KIF13B: variants seen among roughly 807,000 people sequenced by gnomAD.
KIF13B encodes kinesin-like protein KIF13B.
In KIF13B, 127 loss-of-function variants were observed where a neutral mutation model predicts 222.0. The ratio of observed to expected loss-of-function variants is 0.57; its 90% CI spans 0.50 to 0.66. KIF13B has a LOEUF of 0.66. Ranked by LOEUF, KIF13B falls within the 30% of genes least tolerant of loss-of-function variation. The pLI, the probability that KIF13B is intolerant of heterozygous loss-of-function variation, is 0.00. For missense variants in KIF13B, 2,173 were observed against 2,379.0 expected (o/e 0.91, Z 1.80); for synonymous variants, 976 against 919.0 (o/e 1.06, Z -1.12).
intron 37 of KIF13B, among the ~76,000 whole-genome samples, chr8:29,075,876 G>A (rs1434523403): frequency 6.6e-6 from 1 of 152,206 alleles, no homozygotes; most frequent in Non-Finnish European, 1.5e-5. Flanking sequence ...GGTCCCCACT[G>A]AGTCCTGAGC....
In KIF13B at chr8:29,177,461, C is replaced by T; in HGVS notation, c.833+5G>A. 6.4e-7 allele frequency: 1 copy of T among 1,568,038 alleles called. No individual in the cohort carries two copies. The highest frequency in any genetic ancestry group is 8.8e-7 in the Non-Finnish European group (1 of 1,137,856). On this transcript the variant is annotated splice_donor_5th_base_variant and intron_variant, in intron 9 of 39. Transcript: ENST00000524189. ...GCAATAAAAATAAGCTTTGAGAGCA[C>T]TTACTTGTTAATGTTGCTCCCTTCC... is the stretch of plus-strand genomic sequence containing the variant.
intron 10 of KIF13B, among the ~76,000 whole-genome samples, chr8:29,169,179 G>C (rs1241856556): frequency 6.6e-6 from 1 of 152,198 alleles, no homozygotes; most frequent in Non-Finnish European, 1.5e-5. Flanking sequence ...GATTTCCCCA[G>C]TCTTTGTGCA....
At chr8:29,144,289 C>A (rs907001812) in intron 18 of KIF13B, among the ~76,000 whole-genome samples, 3 of 152,022 alleles carry the variant, frequency 2.0e-5, no homozygotes, top group African/African-American at 7.2e-5. Context: ...GAGACAGAGT[C>A]TCTTTCTGTC....
intron 2 of KIF13B, among the ~76,000 whole-genome samples, chr8:29,211,200 T>A (rs148481012): frequency 3.7e-4 from 57 of 152,352 alleles, no homozygotes; most frequent in African/African-American, 1.3e-3. Flanking sequence ...GGGCACTTGT[T>A]TCCATGCATT....
intron 13 of KIF13B, among the ~76,000 whole-genome samples, chr8:29,156,104 G>A (rs896441749): frequency 3.3e-5 from 5 of 152,060 alleles, no homozygotes; most frequent in African/African-American, 1.2e-4. Context: ...GAGTAGCTGG[G>A]ATTACAGGCA....
intron 12 of KIF13B, among the ~76,000 whole-genome samples, chr8:29,161,297 G>C (rs1016617387): frequency 1.3e-5 from 2 of 152,162 alleles, no homozygotes; most frequent in Admixed American, 6.5e-5. Flanking sequence ...AACTCCCTCA[G>C]TAAGGATCAC....
Position 29,070,136 on chromosome 8 carries a change from C to CA in KIF13B, c.*367dup, listed in dbSNP as rs1807186590. The CA allele has an allele frequency of 3.5e-6, 1 of 289,840 alleles. No individual in the cohort carries two copies. The highest frequency in any genetic ancestry group is 2.3e-5 in the African/African-American group (1 of 43,408). The allele number at this position is 289,840 out of a possible 1,614,324, so 18.0% of individuals were successfully genotyped here. Reference sequence around the variant, plus strand: ...GTTACAATTATGGTTTAGGTTAAGACATTAGTGGGGCCACCAGAATGGAAA... The same window carrying CA: ...GTTACAATTATGGTTTAGGTTAAGACAATTAGTGGGGCCACCAGAATGGAAA... On this transcript the variant is annotated 3_prime_UTR_variant, in exon 40 of 40. Transcript: ENST00000524189. The surrounding 1 kb of genome is among the most constrained non-coding windows in gnomAD (Gnocchi z 4.1).
chr8:29,119,482 G>A (rs902331106), intron 29 of KIF13B, among the ~76,000 whole-genome samples: 3 of 152,168 alleles, frequency 2.0e-5, no homozygotes, highest in Non-Finnish European at 4.4e-5. Context: ...CCCTTCACCT[G>A]GAGCTCGTGG....
chr8:29,129,069 C>A (rs763825474), intron 24 of KIF13B, among the ~76,000 whole-genome samples: 1 of 152,034 alleles, frequency 6.6e-6, no homozygotes. Context: ...GTGAAAATTG[C>A]GGTTTTTGCC....
chr8:29,122,736 G>C, intron 28 of KIF13B, 90 bp from the exon 29 acceptor site: 1 of 1,010,682 alleles, frequency 9.9e-7, no homozygotes, highest in Non-Finnish European at 1.5e-6. Flanking sequence ...ATTCAGGGCT[G>C]TTACAGGGCA....
chr8:29,232,876 G>T (rs1373159944), intron 2 of KIF13B, among the ~76,000 whole-genome samples: 1 of 152,142 alleles, frequency 6.6e-6, no homozygotes, highest in Non-Finnish European at 1.5e-5. Flanking sequence ...AAAGCTTTCA[G>T]CTGGGGGTGG....
intron 18 of KIF13B, among the ~76,000 whole-genome samples, chr8:29,143,274 G>A (rs1416921394): frequency 6.6e-6 from 1 of 152,240 alleles, no homozygotes; most frequent in Admixed American, 6.5e-5. Flanking sequence ...AATGGGGAGA[G>A]AGGGAAAGTT....
chr8:29,111,347 C>G (rs1266529192), intron 32 of KIF13B, among the ~76,000 whole-genome samples: 1 of 152,258 alleles, frequency 6.6e-6, no homozygotes, highest in Admixed American at 6.5e-5. Flanking sequence ...TGGGCCACTT[C>G]TTTTGGCCAT....
At position 29,176,810 on chromosome 8, in the gene KIF13B, T is replaced by C. The variant is rs186774578; in HGVS notation, c.834-631A>G. Among the ~76,000 whole-genome samples, 11 of 151,808 alleles carry C rather than the reference T, an allele frequency of 7.2e-5. No individual in the cohort carries two copies. In the East Asian group the frequency reaches 2.2e-3, roughly 30 times the overall value. On this transcript the variant is annotated intron_variant, in intron 9 of 39. Coordinates refer to ENST00000524189, the MANE Select transcript of KIF13B (RefSeq NM_015254.4). Reference sequence around the variant, plus strand: ...AACCCTGACCTGACTGAGGCTGTGCTCTTCAGCCCCATCAAGCACCTCAAC... The same window carrying C: ...AACCCTGACCTGACTGAGGCTGTGCCCTTCAGCCCCATCAAGCACCTCAAC...
chr8:29,142,403 C>G, intron 18 of KIF13B, 100 bp from the exon 19 acceptor site: 1 of 1,003,006 alleles, frequency 1.0e-6, no homozygotes, highest in Non-Finnish European at 1.5e-6. Context: ...TACACCAAAA[C>G]TCAAATGGCA....
Position 29,121,240 on chromosome 8 carries a change from A to G in KIF13B, c.3535+1351T>C, listed in dbSNP as rs1403510979. Among the ~76,000 whole-genome samples the G allele has an allele frequency of 2.1e-3, 159 of 75,868 alleles. 2 individuals are homozygous for G. Among genetic ancestry groups the G allele is most frequent in the African/African-American group, 8.0e-3 (146 of 18,288 alleles). The allele number at this position is 75,868 out of a possible 152,430, so 49.8% of individuals were successfully genotyped here. A position where few individuals can be genotyped will look rare whatever the true frequency, so the allele number is the denominator to read the frequency against. ...CATATGGAACCAAAAAAGAGCCCGC[A>G]TTGCCAAGTCAATCCTAAGCCAAAA... On this transcript the variant is annotated intron_variant, in intron 29 of 39. Coordinates refer to ENST00000524189, the MANE Select transcript of KIF13B (RefSeq NM_015254.4).
At chr8:29,209,281 G>T (rs1814099037) in intron 2 of KIF13B, among the ~76,000 whole-genome samples, 1 of 152,164 alleles carries the variant, frequency 6.6e-6, no homozygotes, top group Non-Finnish European at 1.5e-5. Flanking sequence ...AGAAAGAACA[G>T]GCTCATGGAG....
chr8:29,082,120 T>C (rs1024555501), intron 37 of KIF13B, among the ~76,000 whole-genome samples: 1 of 152,196 alleles, frequency 6.6e-6, no homozygotes, highest in African/African-American at 2.4e-5. Context: ...GCACTGGGGG[T>C]GCAGTGTGAG....
chr8:29,100,692 C>T (rs954560526), intron 35 of KIF13B, among the ~76,000 whole-genome samples: 10 of 152,108 alleles, frequency 6.6e-5, no homozygotes, highest in Non-Finnish European at 8.8e-5. Context: ...TCAGGTGATC[C>T]GCCCGCCTCG....
Sources: allele counts gnomAD v4.1 joint callset (sites outside exome capture counted in the v4.1 genomes callset), GRCh38; gene constraint gnomAD v4.1.1; non-coding constraint Gnocchi (gnomAD v3.1); transcripts MANE v1.5; gene names NCBI Gene and HGNC (gene_info 2026-07-23, HGNC 2026-07-21).